The following LTF variants were observed in gnomAD, a reference collection of about 807,000 sequenced individuals.
LTF encodes the protein lactotransferrin.
A neutral mutation model predicts 87.2 loss-of-function variants in LTF; 91 were observed. The observed-to-expected ratio is 1.04, with a 90% CI of 0.88 to 1.24. The LOEUF (loss-of-function observed/expected upper bound fraction) is 1.24. Among genes scored for constraint, LTF ranks in the 50% most tolerant of loss-of-function variants. The pLI, the probability that LTF is intolerant of heterozygous loss-of-function variation, is 0.00. For missense variants in LTF, 901 were observed against 904.3 expected (o/e 1.00, Z 0.05); for synonymous variants, 378 against 356.1 (o/e 1.06, Z -0.69).
rs777783348 is a variant in LTF at position 46,459,779 on chromosome 3, G to A, written c.84C>T (p.Cys28=). 27 of 1,468,692 alleles carry A rather than the reference G, an allele frequency of 1.8e-5. No homozygotes were observed. The East Asian group carries it at 2.2e-4, about 12-fold the overall frequency. The allele number at this position is 1,468,692 out of a possible 1,614,324, so 91.0% of individuals were successfully genotyped here. A position where few individuals can be genotyped will look rare whatever the true frequency, so the allele number is the denominator to read the frequency against. The change falls in exon 2 of 17, where the codon TGC becomes TGT. Residue 28 remains cysteine (C), a synonymous_variant. Transcript: ENST00000231751. ...LAGRRRSVQW[C]AVSQPEATKC... ...TTGTGGCCTCGGGTTGGGATACGGC[G>A]CACCACTGAACACTCCTCCTACGGC...
chr3:46,440,032 C>A (rs1408669224), intron 14 of LTF, among the ~76,000 whole-genome samples: 2 of 152,178 alleles, frequency 1.3e-5, no homozygotes, highest in African/African-American at 2.4e-5. Context: ...AGGGCAATGA[C>A]TGATAATAGG....
chr3:46,446,522 A>T (rs781517897), intron 10 of LTF, 29 bp from the exon 11 acceptor site: 1 of 1,602,130 alleles, frequency 6.2e-7, no homozygotes, highest in Non-Finnish European at 8.5e-7. Flanking sequence ...GCCAGACATC[A>T]TTATCCATTC....
intron 9 of LTF, among the ~76,000 whole-genome samples, chr3:46,448,222 G>A (rs1333478622): frequency 6.6e-6 from 1 of 152,056 alleles, no homozygotes; most frequent in Non-Finnish European, 1.5e-5. Flanking sequence ...TAATAATTAT[G>A]CAGGTGTGGT....
intron 1 of LTF, among the ~76,000 whole-genome samples, chr3:46,474,661 G>T (rs993336440): frequency 5.3e-5 from 8 of 152,140 alleles, no homozygotes; most frequent in Non-Finnish European, 1.2e-4. Context: ...TTCTTTTCAA[G>T]TTCCCACAGA....
At chr3:46,446,539 A>G in intron 10 of LTF, 46 bp from the exon 11 acceptor site, 1 of 1,531,078 alleles carries the variant, frequency 6.5e-7, no homozygotes, top group South Asian at 1.1e-5. Context: ...ATTCAGATGT[A>G]GTGAGAAGCC....
chr3:46,443,319 G>A, intron 13 of LTF, 122 bp downstream of exon 13: 1 of 1,220,160 alleles, frequency 8.2e-7, no homozygotes, highest in Non-Finnish European at 1.2e-6. Context: ...CCCATGAGCT[G>A]ACCCACAGGA....
intron 1 of LTF, among the ~76,000 whole-genome samples, chr3:46,482,449 A>G (rs1453293232): frequency 6.9e-6 from 1 of 145,086 alleles, no homozygotes; most frequent in Admixed American, 7.3e-5. Flanking sequence ...CAGCCTGGAC[A>G]TTAAAGTGAG....
intron 12 of LTF, among the ~76,000 whole-genome samples, 185 bp from the exon 13 acceptor site, chr3:46,443,767 C>T (rs1051178168): frequency 6.6e-6 from 1 of 152,146 alleles, no homozygotes; most frequent in African/African-American, 2.4e-5. Context: ...AGAAAAGCTT[C>T]ATTCAGACTG....
rs868504417 is a variant in LTF, at chr3:46,482,679, G to A, written c.-320+2307C>T. On this transcript the variant is annotated intron_variant, in intron 1 of 19. Transcript: ENST00000443496. ...AAGAAAGAAGGAAGGAAGGAAGGAA[G>A]GAAGGAAGGAAGGAAGGAAGGAAGG... Among the ~76,000 whole-genome samples, 407 of 76,668 alleles carry A rather than the reference G, an allele frequency of 5.3e-3. 4 individuals carry two copies. The highest frequency in any genetic ancestry group is 0.013 in the African/African-American group (316 of 23,712). 50.3% of individuals were successfully genotyped at this position (76,668 alleles called of 152,430 possible). A position where few individuals can be genotyped will look rare whatever the true frequency, so the allele number is the denominator to read the frequency against.
intron 16 of LTF, 87 bp from the exon 17 acceptor site, chr3:46,436,316 A>C: frequency 1.4e-5 from 17 of 1,235,104 alleles, no homozygotes; most frequent in Non-Finnish European, 1.7e-5. Flanking sequence ...AGAGAATACT[A>C]AGAGTTTTCT....
chr3:46,448,980 C>T lies in LTF; in HGVS notation c.1095G>A (p.Val365=). The T allele has an allele frequency of 6.2e-7, 1 of 1,612,746 alleles. No individual in the cohort carries two copies. The highest frequency in any genetic ancestry group is 8.5e-7 in the Non-Finnish European group (1 of 1,179,572). ...GCTCCTGCTCGCCCACCGCACACCACACGACCCGCGCACGCCGGGCAGCCA... is the reference window on the plus strand; with the variant it reads ...GCTCCTGCTCGCCCACCGCACACCATACGACCCGCGCACGCCGGGCAGCCA... ...EEVAARRARV[V]WCAVGEQELR... Residue 365 remains valine, a synonymous_variant, in exon 9 of 17, where the codon GTG becomes GTA. Coordinates refer to ENST00000231751, the MANE Select transcript of LTF (RefSeq NM_002343.6).
intron 6 of LTF, among the ~76,000 whole-genome samples, chr3:46,453,265 C>T (rs763107520): frequency 2.8e-4 from 43 of 152,184 alleles, no homozygotes; most frequent in Admixed American, 7.2e-4. Context: ...AAAAATAAAA[C>T]GAACTATCTA....
rs766282875 is a variant in LTF at position 46,447,332 on chromosome 3, C to G, written c.1279G>C (p.Val427Leu). 3.1e-6 allele frequency: 5 copies of G among 1,614,154 alleles called. No individual in the cohort carries two copies. The highest frequency in any genetic ancestry group is 4.2e-6 in the Non-Finnish European group (5 of 1,179,992). ...CTGTAGTTCTCTGCCAGGACAGGCA[C>G]CAAACCACATTTGCCTGCAGTGTAC... is the stretch of plus-strand genomic sequence containing the variant. ...YVYTAGKCGL[V>L]PVLAENYKSQ... The change falls in exon 10 of 17, where the codon GTG (valine) becomes CTG (leucine). Residue 427 changes from valine to leucine, a missense_variant. Physicochemically the swap from Val to Leu is conservative, Grantham distance 32. Coordinates refer to ENST00000231751, the MANE Select transcript of LTF (RefSeq NM_002343.6).
chr3:46,457,534 C>T (rs1702966699), intron 2 of LTF, among the ~76,000 whole-genome samples: 2 of 152,216 alleles, frequency 1.3e-5, no homozygotes, highest in Admixed American at 6.5e-5. Flanking sequence ...TTCCAGAAGA[C>T]TTATAATACC....
At chr3:46,446,874 C>T (rs535986555) in intron 10 of LTF, among the ~76,000 whole-genome samples, 39 of 152,288 alleles carry the variant, frequency 2.6e-4, no homozygotes, top group African/African-American at 9.4e-4. Flanking sequence ...AAGTTTAAAA[C>T]ATAGGCAAAC....
intron 10 of LTF, among the ~76,000 whole-genome samples, 161 bp downstream of exon 10, chr3:46,447,147 T>A (rs1326088973): frequency 6.6e-6 from 1 of 152,226 alleles, no homozygotes; most frequent in East Asian, 1.9e-4. Flanking sequence ...CAATAGGCTT[T>A]GTGGGTAACA....
chr3:46,482,548 G>A (rs898418945), intron 1 of LTF, among the ~76,000 whole-genome samples: 7,452 of 67,422 alleles, frequency 0.11, 2,172 homozygotes, highest in East Asian at 0.28. Flanking sequence ...GGGAAGGGAA[G>A]GGAAGGGAAG....
At chr3:46,451,911 A>T (rs1702812832) in intron 6 of LTF, among the ~76,000 whole-genome samples, 1 of 152,220 alleles carries the variant, frequency 6.6e-6, no homozygotes, top group South Asian at 2.1e-4. Flanking sequence ...TATTGGCTTG[A>T]TAAATGCCAT....
chr3:46,446,383 C>G (rs1003170992), intron 11 of LTF, 57 bp downstream of exon 11: 27 of 1,447,542 alleles, frequency 1.9e-5, no homozygotes, highest in Non-Finnish European at 1.4e-5. Flanking sequence ...CCTGCCACTT[C>G]CTCTTCCAGC....
Sources: gnomAD v4.1 joint callset for allele counts (sites outside exome capture counted in the v4.1 genomes callset) on GRCh38, gnomAD v4.1.1 for gene constraint, MANE v1.5 for transcripts, NCBI Gene and HGNC (gene_info 2026-07-23, HGNC 2026-07-21) for gene names.